RPGRIP1L: variants seen among roughly 807,000 people sequenced by gnomAD.
RPGRIP1L encodes protein fantom.
In RPGRIP1L, 131 loss-of-function variants were observed where a neutral mutation model predicts 160.4. That is an observed-to-expected ratio of 0.82 (90% CI 0.71 to 0.94). The LOEUF (loss-of-function observed/expected upper bound fraction) is 0.94. Ranked by LOEUF, RPGRIP1L falls within the 40% of genes least tolerant of loss-of-function variation. The probability of loss-of-function intolerance (pLI) is 0.00; values close to 1 mark genes in which losing one functional copy is unlikely to be tolerated. For synonymous variants in RPGRIP1L, 510 were observed against 515.8 expected, an observed-to-expected ratio of 0.99 and a Z score of 0.15; for missense variants, 1,522 against 1,535.8, an observed-to-expected ratio of 0.99 and a Z score of 0.15.
Position 53,641,580 on chromosome 16 carries a change from C to A in RPGRIP1L, c.2684-105G>T, listed in dbSNP as rs75586284. ...CTACTTTAAGAGACTCATGCTCTAC[C>A]ATGTGAACTAGCCAGGTGGTTGTAC... On this transcript the variant is annotated intron_variant, in intron 17 of 26. Coordinates refer to ENST00000647211, the MANE Select transcript of RPGRIP1L (RefSeq NM_015272.5). The A allele has an allele frequency of 0.062, 64,075 of 1,034,144 alleles. 3,239 individuals carry two copies. The highest frequency in any genetic ancestry group is 0.27 in the East Asian group (10,598 of 38,764). The allele number at this position is 1,034,144 out of a possible 1,614,324, so 64.1% of individuals were successfully genotyped here. A position where few individuals can be genotyped will look rare whatever the true frequency, so the allele number is the denominator to read the frequency against.
intron 4 of RPGRIP1L, among the ~76,000 whole-genome samples, chr16:53,688,958 G>A (rs996405980): frequency 2.6e-5 from 4 of 151,612 alleles, no homozygotes; most frequent in Non-Finnish European, 5.9e-5. Flanking sequence ...TAATTCTTAC[G>A]CTTTTCCTAC....
intron 2 of RPGRIP1L, among the ~76,000 whole-genome samples, chr16:53,698,490 G>A (rs1423708171): frequency 6.8e-6 from 1 of 147,300 alleles, no homozygotes; most frequent in Non-Finnish European, 1.5e-5. Flanking sequence ...CCAGGAGGGA[G>A]GTTGGGGGGT....
At position 53,687,873 on chromosome 16, in the gene RPGRIP1L, T is replaced by C. The variant is rs1167981125; in HGVS notation, c.622A>G (p.Ile208Val). The change falls in exon 5 of 27, where the codon ATA becomes GTA. Residue 208 changes from isoleucine (I) to valine (V), a missense_variant. Ile to Val is a conservative substitution (Grantham distance 29). Transcript: ENST00000647211. ...AAAAAGAACACATACAAATTTCTTA[T>C]TTCTCCTCTGGCTTCTTCAAGTAAA... ...NSLLEEARGEIRNLENVIQSQ... is the reference protein window; with the variant it reads ...NSLLEEARGEVRNLENVIQSQ... 34 of 1,599,900 alleles carry C rather than the reference T, an allele frequency of 2.1e-5. No homozygotes were observed. Among genetic ancestry groups the C allele is most frequent in the Non-Finnish European group, 2.7e-5 (31 of 1,167,718 alleles).
intron 2 of RPGRIP1L, among the ~76,000 whole-genome samples, chr16:53,699,817 CAAAAAAAAA>C (rs71146704): frequency 3.2e-5 from 3 of 94,628 alleles, no homozygotes; most frequent in Non-Finnish European, 4.6e-5. Flanking sequence ...GACTTCGTCT[CAAAAAAAAA>C]AAAAAAAAAA....
Position 53,637,742 on chromosome 16 carries a change from G to A in RPGRIP1L, c.3173C>T (p.Ala1058Val). The stretch of plus-strand genomic sequence containing the variant: ...TATTTCTGTTTCATCTTCAGAAGAT[G>A]CCAAGCTTTGTTCTGCAAGCTGACC... Reference protein sequence around the residue: ...SEGQLAEQSLASSEDETEITE... With the variant: ...SEGQLAEQSLVSSEDETEITE... Residue 1058 changes from alanine (A) to valine (V), a missense_variant, in exon 21 of 27, where the codon GCA becomes GTA. Coordinates refer to ENST00000647211, the MANE Select transcript of RPGRIP1L (RefSeq NM_015272.5). 1 of 1,612,226 alleles carries A rather than the reference G, an allele frequency of 6.2e-7. No individual in the cohort carries two copies. Among genetic ancestry groups the A allele is most frequent in the Non-Finnish European group, 8.5e-7 (1 of 1,179,744 alleles).
At chr16:53,659,075 G>A in intron 10 of RPGRIP1L, 197 bp from the exon 11 acceptor site, 1 of 611,282 alleles carries the variant, frequency 1.6e-6, no homozygotes, top group Non-Finnish European at 2.7e-6. Context: ...TCTACCATAT[G>A]ATTCACTTGC....
At chr16:53,671,221 G>A (rs577651959) in intron 9 of RPGRIP1L, among the ~76,000 whole-genome samples, 1 of 152,252 alleles carries the variant, frequency 6.6e-6, no homozygotes, top group Admixed American at 6.5e-5. Flanking sequence ...TAAATGTAGA[G>A]TATCTAGCAT....
At chr16:53,678,087 GAA>G (rs1969321611) in intron 6 of RPGRIP1L, among the ~76,000 whole-genome samples, 4 of 150,088 alleles carry the variant, frequency 2.7e-5, no homozygotes, top group Admixed American at 2.6e-4. Flanking sequence ...CAAGGATTTT[GAA>G]AAAGTCAGGA....
chr16:53,686,770 T>C (rs1970049077), intron 5 of RPGRIP1L, among the ~76,000 whole-genome samples, 194 bp from the exon 6 acceptor site: 1 of 152,196 alleles, frequency 6.6e-6, no homozygotes, highest in Non-Finnish European at 1.5e-5. Flanking sequence ...CAATGCAAGA[T>C]ACTGCTTTTT....
chr16:53,611,021 G>C lies in RPGRIP1L; in HGVS notation c.3647C>G (p.Ala1216Gly), dbSNP rs748793625. Residue 1216 changes from alanine (A) to glycine (G), a missense_variant, in exon 25 of 27, where the codon GCA becomes GGA. Ala to Gly is a moderately conservative substitution (Grantham distance 60). Coordinates refer to ENST00000647211, the MANE Select transcript of RPGRIP1L (RefSeq NM_015272.5). ...TATAGCTTTTAAGATGTCTCTCTTTGCTTTGTTGTTTTCTTTATCCACGTA... is the reference window on the plus strand; with the variant it reads ...TATAGCTTTTAAGATGTCTCTCTTTCCTTTGTTGTTTTCTTTATCCACGTA... ...VIYVDKENNK[A>G]KRDILKAILQ... 6.2e-7 allele frequency: 1 copy of C among 1,613,074 alleles called. No homozygotes were observed. The highest frequency in any genetic ancestry group is 1.7e-5 in the Admixed American group (1 of 59,984).
At chr16:53,617,073 C>CAAAAAAAAAAAAAAAAAAAAA (rs397945611) in intron 24 of RPGRIP1L, among the ~76,000 whole-genome samples, 19 of 21,846 alleles carry the variant, frequency 8.7e-4, no homozygotes, top group South Asian at 1.5e-3. Context: ...CCTTGCATCA[C>CAAAAAAAAAAAAAAAAAAAAA]AAAAAAAAAA....
chr16:53,637,585 T>A, intron 21 of RPGRIP1L, 110 bp downstream of exon 21: 3 of 928,032 alleles, frequency 3.2e-6, no homozygotes, highest in Non-Finnish European at 1.7e-6. Context: ...GAAACAGGTA[T>A]CGTGAAGTAG....
At chr16:53,685,399 T>C (rs1415434275) in intron 6 of RPGRIP1L, among the ~76,000 whole-genome samples, 1 of 152,144 alleles carries the variant, frequency 6.6e-6, no homozygotes, top group East Asian at 1.9e-4. Context: ...TAAAGACACA[T>C]GCACACGTAT....
intron 15 of RPGRIP1L, among the ~76,000 whole-genome samples, chr16:53,651,292 A>G (rs1966851236): frequency 6.6e-6 from 1 of 152,176 alleles, no homozygotes; most frequent in Admixed American, 6.5e-5. Context: ...ACTGAATATG[A>G]CTACTTTTTA....
chr16:53,622,300 G>A lies in RPGRIP1L; in HGVS notation c.3351C>T (p.Asn1117=), dbSNP rs1300571190. 4 of 653,250 alleles carry A rather than the reference G, an allele frequency of 6.1e-6. No homozygotes were observed. The highest frequency in any genetic ancestry group is 1.1e-5 in the Non-Finnish European group (4 of 355,024). 40.5% of individuals were successfully genotyped at this position (653,250 alleles called of 1,614,324 possible). ...GCSSAISAHC[N]FRLPGSSDFP... ...AATCGCTGGAACCCGGGAGGCGGAA[G>A]TTGCAGTGAGCTGAGATCGCGCTAC... The change falls in exon 23 of 27, where the codon AAC becomes AAT. Residue 1117 remains asparagine (N), a synonymous_variant. Coordinates refer to ENST00000647211, the MANE Select transcript of RPGRIP1L (RefSeq NM_015272.5).
chr16:53,648,117 A>AG (rs1966688440), intron 16 of RPGRIP1L, among the ~76,000 whole-genome samples: 1 of 151,548 alleles, frequency 6.6e-6, no homozygotes, highest in Non-Finnish European at 1.5e-5. Context: ...AAAAAAAAAA[A>AG]AAAAAAAAAA....
chr16:53,686,756 G>A (rs1011389608), intron 5 of RPGRIP1L, among the ~76,000 whole-genome samples, 180 bp from the exon 6 acceptor site: 1 of 152,102 alleles, frequency 6.6e-6, no homozygotes, highest in Non-Finnish European at 1.5e-5. Flanking sequence ...AAATACATAC[G>A]GAACAATGCA....
intron 6 of RPGRIP1L, among the ~76,000 whole-genome samples, chr16:53,676,735 C>T (rs901245049): frequency 2.0e-5 from 3 of 151,966 alleles, no homozygotes; most frequent in Admixed American, 2.0e-4. Flanking sequence ...TGGTTTCAAG[C>T]GATTCTCCTG....
At chr16:53,702,076 G>C (rs1018619920) in intron 1 of RPGRIP1L, among the ~76,000 whole-genome samples, 1 of 151,860 alleles carries the variant, frequency 6.6e-6, no homozygotes, top group Admixed American at 6.6e-5. Context: ...AAATAATAAT[G>C]ATGATGATGA....
Sources: gnomAD v4.1 joint callset for allele counts (sites outside exome capture counted in the v4.1 genomes callset) on GRCh38, gnomAD v4.1.1 for gene constraint, MANE v1.5 for transcripts, NCBI Gene and HGNC (gene_info 2026-07-23, HGNC 2026-07-21) for gene names.